The following USO1 variants were observed in gnomAD, a reference collection of about 807,000 sequenced individuals.
USO1 encodes the protein USO1 vesicle transport factor, also known as general vesicular transport factor p115.
Under a neutral mutation model 124.5 loss-of-function variants are expected in USO1, and 57 were observed. That is an observed-to-expected ratio of 0.46 (90% CI 0.37 to 0.57). The LOEUF (loss-of-function observed/expected upper bound fraction) is 0.57, where lower values mean the gene tolerates loss of function less well. Ranked by LOEUF, USO1 falls within the 20% of genes least tolerant of loss-of-function variation. USO1 has a pLI of 0.00. For missense variants in USO1, 900 were observed against 1,040.6 expected (o/e 0.86, Z 1.86); for synonymous variants, 369 against 362.8 (o/e 1.02, Z -0.19).
At chr4:75,803,732 A>G (rs567139547) in intron 17 of USO1, among the ~76,000 whole-genome samples, 2 of 151,924 alleles carry the variant, frequency 1.3e-5, no homozygotes, top group East Asian at 1.9e-4. Context: ...TCTTTTTTCA[A>G]TTTCCTATAT....
At chr4:75,758,792 G>A (rs1454415747) in intron 4 of USO1, among the ~76,000 whole-genome samples, 1 of 151,940 alleles carries the variant, frequency 6.6e-6, no homozygotes, top group Admixed American at 6.6e-5. Context: ...TTTCTTAAGG[G>A]TGAAAAATAT....
chr4:75,799,378 A>G (rs1722777756), intron 13 of USO1, among the ~76,000 whole-genome samples: 2 of 152,078 alleles, frequency 1.3e-5, no homozygotes, highest in Non-Finnish European at 2.9e-5. Context: ...ATTTTAAATA[A>G]CCCAGTATAT....
At position 75,724,729 on chromosome 4, in the gene USO1, C is replaced by G. The variant is rs921911578; in HGVS notation, c.-91C>G. 3 of 1,356,066 alleles carry G rather than the reference C, an allele frequency of 2.2e-6. No homozygotes were observed. The African/African-American group carries it at 4.3e-5, about 19-fold the overall frequency. The allele number at this position is 1,356,066 out of a possible 1,614,324, so 84.0% of individuals were successfully genotyped here. A position where few individuals can be genotyped will look rare whatever the true frequency, so the allele number is the denominator to read the frequency against. On this transcript the variant is annotated 5_prime_UTR_variant, in exon 1 of 24. Transcript: ENST00000514213. ...GGCAGCAGTAGGAGTGTGTAGAGTG[C>G]GGGATTGGGGCCCAGGCCCTGCGGA...
At position 75,801,132 on chromosome 4, in the gene USO1, G is replaced by A; in HGVS notation, c.1918G>A (p.Glu640Lys). ...CAGTGAAGAAGATAAAAAAGAAGAA[G>A]AGGTGAAAAAAACATTAGAACAGCA... Reference protein sequence around the residue: ...KSSEEDKKEEEVKKTLEQHDN... With the variant: ...KSSEEDKKEEKVKKTLEQHDN... The change falls in exon 17 of 24, where the codon GAG (glutamate) becomes AAG (lysine). Residue 640 changes from glutamate to lysine, a missense_variant. This residue lies in a region of USO1 where 362 missense variants were observed against 359.0 expected (regional missense o/e 1.01). Coordinates refer to ENST00000514213, the MANE Select transcript of USO1 (RefSeq NM_003715.4). The A allele has an allele frequency of 6.2e-7, 1 of 1,608,094 alleles. No homozygotes were observed. The highest frequency in any genetic ancestry group is 1.1e-5 in the South Asian group (1 of 89,940).
intron 1 of USO1, among the ~76,000 whole-genome samples, chr4:75,744,194 T>G (rs1366502649): frequency 6.6e-6 from 1 of 152,202 alleles, no homozygotes; most frequent in Non-Finnish European, 1.5e-5. Flanking sequence ...CTGCTTCAGG[T>G]TGCACTGTTC....
chr4:75,794,276 T>C (rs1251388110), intron 13 of USO1, among the ~76,000 whole-genome samples: 3 of 152,214 alleles, frequency 2.0e-5, no homozygotes, highest in African/African-American at 7.2e-5. Context: ...TATTTCCCTC[T>C]TTCTCTTCCC....
At position 75,770,914 on chromosome 4, in the gene USO1, C is replaced by T. The variant is rs763311934; in HGVS notation, c.489C>T (p.Val163=). The T allele has an allele frequency of 5.6e-6, 9 of 1,613,252 alleles. No individual in the cohort carries two copies. In the African/African-American group the frequency reaches 9.4e-5, roughly 17 times the overall value. The change falls in exon 6 of 24, where the codon GTC becomes GTT. Residue 163 remains valine, a synonymous_variant. Transcript: ENST00000514213. The part of the protein sequence containing the change: ...LGPQVQQIIL[V]SPMGVSRLMD... ...CTCAGGTGCAACAAATTATTTTAGT[C>T]AGTCCTATGGGTAAGTGACTTATCT...
intron 18 of USO1, 40 bp downstream of exon 18, chr4:75,804,312 C>A (rs1390232331): frequency 6.3e-7 from 1 of 1,582,096 alleles, no homozygotes; most frequent in Non-Finnish European, 8.6e-7. Flanking sequence ...GCACTCAGGT[C>A]ATTCTTTCCT....
chr4:75,763,946 C>T (rs1398857230), intron 4 of USO1, among the ~76,000 whole-genome samples: 1 of 152,018 alleles, frequency 6.6e-6, no homozygotes, highest in Non-Finnish European at 1.5e-5. Context: ...TTGTGTATTA[C>T]CTTAATTGCT....
intron 1 of USO1, among the ~76,000 whole-genome samples, chr4:75,744,737 T>C (rs1721072457): frequency 6.6e-6 from 1 of 152,212 alleles, no homozygotes; most frequent in African/African-American, 2.4e-5. Flanking sequence ...TTTTTGTTTT[T>C]TATTATAAAA....
intron 13 of USO1, chr4:75,795,290 C>A (rs963605037): frequency 5.7e-6 from 4 of 699,552 alleles, no homozygotes; most frequent in Non-Finnish European, 1.0e-5. Context: ...TTAGACTTTT[C>A]TAAAGTAGTA....
intron 1 of USO1, among the ~76,000 whole-genome samples, chr4:75,737,963 G>A (rs1720842691): frequency 6.6e-6 from 1 of 151,624 alleles, no homozygotes; most frequent in Non-Finnish European, 1.5e-5. Flanking sequence ...GAGTAGCTGG[G>A]ATCACGGGCA....
At chr4:75,805,497 A>G (rs1722969697) in intron 19 of USO1, among the ~76,000 whole-genome samples, 194 bp downstream of exon 19, 1 of 152,138 alleles carries the variant, frequency 6.6e-6, no homozygotes, top group South Asian at 2.1e-4. Context: ...ACCTGAGGTC[A>G]GGAGTTCAAG....
Position 75,770,933 on chromosome 4 carries a change from C to G in USO1, c.499+9C>G, listed in dbSNP as rs1026103721. The G allele has an allele frequency of 1.9e-6, 3 of 1,602,752 alleles. No individual in the cohort carries two copies. Among genetic ancestry groups the G allele is most frequent in the African/African-American group, 2.7e-5 (2 of 73,850 alleles). ...TTTAGTCAGTCCTATGGGTAAGTGA[C>G]TTATCTTTTTTATATTATTTTGATT... On this transcript the variant is annotated intron_variant, in intron 6 of 23. Transcript: ENST00000514213.
intron 13 of USO1, among the ~76,000 whole-genome samples, chr4:75,796,630 G>A (rs758681440): frequency 1.3e-5 from 2 of 151,998 alleles, no homozygotes; most frequent in East Asian, 1.9e-4. Context: ...GAGACACCGC[G>A]CCCAGCCCGC....
rs189709828 is a variant in USO1 at position 75,739,112 on chromosome 4, A to G, written c.67-13261A>G. 6.0e-3 allele frequency among the ~76,000 whole-genome samples: 907 copies of G among 152,268 alleles called. 15 individuals are homozygous for G. Among genetic ancestry groups the G allele is most frequent in the African/African-American group, 0.021 (860 of 41,554 alleles). ...CGTGATCCGCCCGCCTCGTCCTCCC[A>G]AAGTGCTGAGATTACAGGCGTGAGC... is the stretch of plus-strand genomic sequence containing the variant. On this transcript the variant is annotated intron_variant, in intron 1 of 23. Coordinates refer to ENST00000514213, the MANE Select transcript of USO1 (RefSeq NM_003715.4).
At chr4:75,771,023 T>C in intron 6 of USO1, 59 bp from the exon 7 acceptor site, 1 of 1,597,896 alleles carries the variant, frequency 6.3e-7, no homozygotes, top group Non-Finnish European at 8.5e-7. Flanking sequence ...TGTTAATAAT[T>C]TGAGTCACTA....
intron 4 of USO1, chr4:75,760,642 G>T: frequency 2.5e-6 from 1 of 397,438 alleles, no homozygotes; most frequent in South Asian, 1.3e-4. Flanking sequence ...GATGCTTTTA[G>T]GCATAGTTTC....
intron 12 of USO1, among the ~76,000 whole-genome samples, chr4:75,791,376 T>C (rs1233529601): frequency 2.0e-5 from 3 of 152,060 alleles, no homozygotes; most frequent in African/African-American, 4.8e-5. Flanking sequence ...ATACAAAAAT[T>C]AGCTGGGCGT....
Sources: allele counts gnomAD v4.1 joint callset (sites outside exome capture counted in the v4.1 genomes callset), GRCh38; gene constraint gnomAD v4.1.1; regional missense constraint gnomAD v4.1.1; transcripts MANE v1.5; gene names NCBI Gene and HGNC (gene_info 2026-07-23, HGNC 2026-07-21).